ATP9B: variants seen among roughly 807,000 people sequenced by gnomAD.
The protein encoded by ATP9B is ATPase phospholipid transporting 9B, also known as probable phospholipid-transporting ATPase IIB.
ATP9B carries 110 observed loss-of-function variants against 146.1 expected under a neutral mutation model. The ratio of observed to expected loss-of-function variants is 0.75; its 90% CI spans 0.65 to 0.88. ATP9B has a LOEUF of 0.88. Ranked by LOEUF, ATP9B falls within the 40% of genes least tolerant of loss-of-function variation. The pLI is 0.00. For missense variants in ATP9B, 1,499 were observed against 1,496.4 expected (o/e 1.00, Z -0.03); for synonymous variants, 604 against 569.7 (o/e 1.06, Z -0.86).
intron 11 of ATP9B, among the ~76,000 whole-genome samples, chr18:79,225,896 T>C (rs1057047484): frequency 8.6e-6 from 1 of 116,002 alleles, no homozygotes; most frequent in African/African-American, 3.0e-5. Flanking sequence ...GACTGTTGGG[T>C]CCCGCAGTTG....
At chr18:79,245,718 A>ACTGACTGTGTGGAGGGTACCGCCCTG (rs2095944245) in intron 11 of ATP9B, among the ~76,000 whole-genome samples, 1 of 140,426 alleles carries the variant, frequency 7.1e-6, no homozygotes, top group Non-Finnish European at 1.5e-5. Context: ...GTACCGCCCT[A>ACTGACTGTGTGGAGGGTACCGCCCTG]CTGACTGTGT....
intron 8 of ATP9B, among the ~76,000 whole-genome samples, chr18:79,191,564 A>G (rs1270483247): frequency 2.0e-5 from 3 of 152,318 alleles, no homozygotes; most frequent in East Asian, 3.9e-4. Context: ...ACCCGCATTT[A>G]GATTCACCAT....
At chr18:79,175,768 ATGTGCACACACAGATACGCT>A (rs1555727870) in intron 7 of ATP9B, among the ~76,000 whole-genome samples, 2 of 151,968 alleles carry the variant, frequency 1.3e-5, no homozygotes, top group Non-Finnish European at 2.9e-5. Flanking sequence ...GTACACATGC[ATGTGCACACACAGATACGCT>A]TGTGCACACA....
At chr18:79,225,386 T>C (rs1335210569) in intron 11 of ATP9B, among the ~76,000 whole-genome samples, 1 of 152,252 alleles carries the variant, frequency 6.6e-6, no homozygotes, top group Non-Finnish European at 1.5e-5. Context: ...CTTTAAAATA[T>C]ATCATCTAAG....
intron 12 of ATP9B, among the ~76,000 whole-genome samples, chr18:79,275,961 A>G (rs2096304213): frequency 6.6e-6 from 1 of 152,230 alleles, no homozygotes. Context: ...TCCTTCATTG[A>G]CTGTGATTCC....
chr18:79,212,193 A>G (rs1476359961), intron 10 of ATP9B, among the ~76,000 whole-genome samples: 1 of 152,202 alleles, frequency 6.6e-6, no homozygotes, highest in Non-Finnish European at 1.5e-5. Flanking sequence ...GTTAGATATT[A>G]AAAAGCATGA....
At chr18:79,310,857 A>G (rs554023458) in intron 15 of ATP9B, among the ~76,000 whole-genome samples, 2 of 152,258 alleles carry the variant, frequency 1.3e-5, no homozygotes, top group South Asian at 2.1e-4. Flanking sequence ...CATTACAGAA[A>G]TGCTGGGCTG....
At chr18:79,200,292 C>A (rs1192232462) in intron 9 of ATP9B, among the ~76,000 whole-genome samples, 1 of 152,156 alleles carries the variant, frequency 6.6e-6, no homozygotes, top group Non-Finnish European at 1.5e-5. Context: ...TTATGTTGTA[C>A]ACGATTGTAC....
intron 15 of ATP9B, among the ~76,000 whole-genome samples, chr18:79,317,057 A>G (rs1180660433): frequency 6.6e-6 from 1 of 152,236 alleles, no homozygotes; most frequent in East Asian, 1.9e-4. Flanking sequence ...TATAAATTTC[A>G]AAATTGACTC....
At chr18:79,138,901 C>T (rs2094479580) in intron 5 of ATP9B, among the ~76,000 whole-genome samples, 1 of 151,754 alleles carries the variant, frequency 6.6e-6, no homozygotes, top group African/African-American at 2.4e-5. Context: ...AATCTCATCT[C>T]TACAAAAAAT....
intron 9 of ATP9B, among the ~76,000 whole-genome samples, chr18:79,197,852 C>T (rs1600375983): frequency 6.6e-6 from 1 of 152,124 alleles, no homozygotes; most frequent in Admixed American, 6.5e-5. Flanking sequence ...ATAGTACCCC[C>T]GAATTCATAG....
chr18:79,158,142 C>T (rs1032758291), intron 7 of ATP9B, among the ~76,000 whole-genome samples: 3 of 152,140 alleles, frequency 2.0e-5, no homozygotes, highest in Non-Finnish European at 4.4e-5. Flanking sequence ...TTCATAACTA[C>T]AAATTTCCAT....
At chr18:79,261,156 C>T (rs1354160354) in intron 12 of ATP9B, among the ~76,000 whole-genome samples, 8 of 151,878 alleles carry the variant, frequency 5.3e-5, no homozygotes, top group South Asian at 2.1e-4. Context: ...TATAATAGGC[C>T]GAGACATTAG....
In ATP9B at chr18:79,238,500, C is replaced by T. The variant is rs184514502; in HGVS notation, c.1108-14881C>T. 3.3e-5 allele frequency among the ~76,000 whole-genome samples: 5 copies of T among 152,302 alleles called. No homozygotes were observed. In the East Asian group the frequency reaches 9.7e-4, roughly 29 times the overall value. ...CTGGACTCTGAGGACCAGGTTGCTT[C>T]TCCATTTCTGTGCCCCCTCCGTGTA... On this transcript the variant is annotated intron_variant, in intron 11 of 29. Transcript: ENST00000426216.
At chr18:79,095,055 GAA>G (rs1287098723) in intron 1 of ATP9B, among the ~76,000 whole-genome samples, 1 of 152,102 alleles carries the variant, frequency 6.6e-6, no homozygotes, top group Non-Finnish European at 1.5e-5. Flanking sequence ...CTTGAAAAAA[GAA>G]AAGTCTTCCA....
intron 26 of ATP9B, chr18:79,363,750 ACGTAAACAGATATTCCTGGATTGGGAGG>A (rs2097006887): frequency 6.6e-6 from 1 of 152,104 alleles, no homozygotes; most frequent in Non-Finnish European, 1.5e-5. Context: ...GGTTTGAGAG[ACGTAAACAGATATTCCTGGATTGGGAGG>A]CGTAAACAGA....
At chr18:79,151,544 C>A (rs2094689202) in intron 6 of ATP9B, among the ~76,000 whole-genome samples, 1 of 152,154 alleles carries the variant, frequency 6.6e-6, no homozygotes, top group African/African-American at 2.4e-5. Context: ...ATTGCTGTTG[C>A]AGGTGTGCCT....
intron 13 of ATP9B, among the ~76,000 whole-genome samples, chr18:79,278,198 C>T (rs1283379343): frequency 2.0e-5 from 3 of 152,148 alleles, no homozygotes; most frequent in Non-Finnish European, 4.4e-5. Flanking sequence ...CCATAGAAGA[C>T]ACAGAGGCAG....
intron 13 of ATP9B, among the ~76,000 whole-genome samples, chr18:79,293,033 A>G (rs2096522424): frequency 6.6e-6 from 1 of 151,960 alleles, no homozygotes; most frequent in South Asian, 2.1e-4. Context: ...GTGAGAGGCC[A>G]TAAATAAATC....
Sources: allele counts gnomAD v4.1 joint callset (sites outside exome capture counted in the v4.1 genomes callset), GRCh38; gene constraint gnomAD v4.1.1; transcripts MANE v1.5; gene names NCBI Gene and HGNC (gene_info 2026-07-23, HGNC 2026-07-21).